The following TRIO variants were observed in gnomAD, a reference collection of about 807,000 sequenced individuals.
TRIO encodes the protein trio Rho guanine nucleotide exchange factor, also known as triple functional domain protein.
A neutral mutation model predicts 351.9 loss-of-function variants in TRIO; 58 were observed. The observed-to-expected ratio is 0.16, with a 90% CI of 0.13 to 0.21. The LOEUF (loss-of-function observed/expected upper bound fraction) is 0.21, where lower values mean the gene tolerates loss of function less well. Among genes scored for constraint, TRIO ranks in the 10% least tolerant of loss-of-function variants. The probability of loss-of-function intolerance (pLI) is 1.00; values close to 1 mark genes in which losing one functional copy is unlikely to be tolerated. For synonymous variants in TRIO, 1,758 were observed against 1,595.7 expected (o/e 1.10, Z -2.42); for missense variants, 3,201 against 4,027.8 (o/e 0.79, Z 5.56).
Position 14,488,273 on chromosome 5 carries a change from G to A in TRIO, c.7632+13G>A. On this transcript the variant is annotated intron_variant, in intron 48 of 56. Coordinates refer to ENST00000344204, the MANE Select transcript of TRIO (RefSeq NM_007118.4). ...CCAGAGCAACGGGGTAAGCGCGTCG[G>A]GGGGCCCGCGCCCTCCCGCCCCCCT... is the stretch of plus-strand genomic sequence containing the variant. The A allele has an allele frequency of 6.5e-7, 1 of 1,543,574 alleles. No homozygotes were observed. Among genetic ancestry groups the A allele is most frequent in the Non-Finnish European group, 8.7e-7 (1 of 1,150,034 alleles).
At chr5:14,460,873 C>T (rs898291436) in intron 34 of TRIO, 146 bp from the exon 35 acceptor site, 2 of 861,436 alleles carry the variant, frequency 2.3e-6, no homozygotes, top group Admixed American at 3.1e-5. Flanking sequence ...AGCATCAGCC[C>T]CTGTCATCTC....
intron 1 of TRIO, among the ~76,000 whole-genome samples, chr5:14,190,202 A>G (rs761178914): frequency 2.0e-5 from 3 of 152,170 alleles, no homozygotes; most frequent in Non-Finnish European, 2.9e-5. Context: ...TGCTTCCTCA[A>G]TCCCCACTGG....
At chr5:14,390,769 C>T (rs1483712191) in intron 26 of TRIO, 132 bp from the exon 27 acceptor site, 4 of 719,076 alleles carry the variant, frequency 5.6e-6, no homozygotes, top group Non-Finnish European at 8.8e-6. Context: ...CAGTAGCTTT[C>T]TTTTTAAAAT....
intron 36 of TRIO, among the ~76,000 whole-genome samples, chr5:14,465,315 A>C (rs1316426200): frequency 6.6e-6 from 1 of 152,198 alleles, no homozygotes; most frequent in Non-Finnish European, 1.5e-5. Context: ...CAAATCAGAC[A>C]CTGTCTGCTT....
At chr5:14,296,636 G>A (rs1354447946) in intron 6 of TRIO, among the ~76,000 whole-genome samples, 1 of 152,166 alleles carries the variant, frequency 6.6e-6, no homozygotes, top group Non-Finnish European at 1.5e-5. Context: ...ATAGCCTTTG[G>A]TTGCTAGGTA....
At chr5:14,439,853 G>A (rs1751884993) in intron 34 of TRIO, among the ~76,000 whole-genome samples, 2 of 152,154 alleles carry the variant, frequency 1.3e-5, no homozygotes, top group South Asian at 2.1e-4. Context: ...TGAGAGAGCC[G>A]TTGGAGCGCC....
intron 1 of TRIO, among the ~76,000 whole-genome samples, chr5:14,166,537 C>T (rs954967315): frequency 4.6e-5 from 7 of 152,130 alleles, no homozygotes; most frequent in Non-Finnish European, 1.0e-4. Context: ...GTGATTTCTT[C>T]TTGACGTTTT....
At position 14,317,053 on chromosome 5, in the gene TRIO, A is replaced by G. The variant is rs562827305; in HGVS notation, c.1731+310A>G. ...AATGCTGGTGTGCTCACACCAGTGT[A>G]TTGTTATAATTTAGTTAACACTTGT... On this transcript the variant is annotated intron_variant, in intron 9 of 56. Transcript: ENST00000344204. 7.2e-5 allele frequency among the ~76,000 whole-genome samples: 11 copies of G among 152,216 alleles called. No individual in the cohort carries two copies. The South Asian group carries it at 1.9e-3, about 26-fold the overall frequency.
chr5:14,480,534 ACACTAGCCCTTG>A (rs1474596908), intron 43 of TRIO, among the ~76,000 whole-genome samples: 1 of 152,192 alleles, frequency 6.6e-6, no homozygotes, highest in Admixed American at 6.5e-5. Flanking sequence ...TGTTGGCTTA[ACACTAGCCCTTG>A]ATTGAGTTAA....
intron 48 of TRIO, among the ~76,000 whole-genome samples, chr5:14,491,005 C>T (rs1310487799): frequency 2.0e-5 from 3 of 152,218 alleles, no homozygotes; most frequent in Non-Finnish European, 4.4e-5. Context: ...AAACAGTGGG[C>T]ACCCACAGGG....
intron 23 of TRIO, 44 bp downstream of exon 23, chr5:14,387,891 G>C (rs2043398080): frequency 1.3e-6 from 2 of 1,592,382 alleles, no homozygotes; most frequent in Non-Finnish European, 8.6e-7. Context: ...CTGGAAAAGT[G>C]AAGAGAATGT....
chr5:14,313,893 A>G (rs73751338), intron 8 of TRIO, among the ~76,000 whole-genome samples: 4,984 of 152,258 alleles, frequency 0.033, 290 homozygotes, highest in African/African-American at 0.11. Flanking sequence ...ATATGTAAGC[A>G]AGGCTGGGAA....
At chr5:14,228,916 G>A (rs1024227464) in intron 1 of TRIO, among the ~76,000 whole-genome samples, 1 of 152,036 alleles carries the variant, frequency 6.6e-6, no homozygotes, top group African/African-American at 2.4e-5. Context: ...ATAATTCATA[G>A]AGTCAAGCCA....
At chr5:14,360,694 GC>G (rs1561390671) in intron 13 of TRIO, among the ~76,000 whole-genome samples, 1 of 152,226 alleles carries the variant, frequency 6.6e-6, no homozygotes, top group Non-Finnish European at 1.5e-5. Flanking sequence ...CTGTCTATAG[GC>G]CTGCCCTGGG....
chr5:14,323,222 T>C (rs559850443), intron 9 of TRIO, among the ~76,000 whole-genome samples: 1 of 152,308 alleles, frequency 6.6e-6, no homozygotes, highest in Non-Finnish European at 1.5e-5. Context: ...ATTTCACTTT[T>C]AAAAGTAGTC....
At position 14,488,011 on chromosome 5, in the gene TRIO, C is replaced by T. The variant is rs775593595; in HGVS notation, c.7383C>T (p.Leu2461=). 4.5e-5 allele frequency: 72 copies of T among 1,586,340 alleles called. No individual in the cohort carries two copies. Among genetic ancestry groups the T allele is most frequent in the African/African-American group, 1.1e-4 (8 of 74,162 alleles). The part of the protein sequence containing the change: ...AGAASPLNSP[L]SSAVPSLGKE... Reference sequence around the variant, plus strand: ...CCGCTTCGCCGCTGAACTCGCCGCTCTCCAGCGCGGTCCCTTCTCTCGGCA... The same window carrying T: ...CCGCTTCGCCGCTGAACTCGCCGCTTTCCAGCGCGGTCCCTTCTCTCGGCA... Residue 2461 remains leucine, a synonymous_variant, in exon 48 of 57, where the codon CTC becomes CTT. Coordinates refer to ENST00000344204, the MANE Select transcript of TRIO (RefSeq NM_007118.4).
intron 1 of TRIO, among the ~76,000 whole-genome samples, chr5:14,232,677 A>T (rs1228708810): frequency 6.6e-6 from 1 of 152,252 alleles, no homozygotes; most frequent in Non-Finnish European, 1.5e-5. Context: ...TCTAATAGCG[A>T]GGTGTGTATC....
At chr5:14,148,484 T>C (rs1212812784) in intron 1 of TRIO, among the ~76,000 whole-genome samples, 1 of 152,250 alleles carries the variant, frequency 6.6e-6, no homozygotes, top group Non-Finnish European at 1.5e-5. Context: ...AGCCACACTT[T>C]ACTGCCTAGT....
intron 25 of TRIO, among the ~76,000 whole-genome samples, chr5:14,389,607 C>T (rs1746870302): frequency 6.6e-6 from 1 of 152,168 alleles, no homozygotes; most frequent in Non-Finnish European, 1.5e-5. Context: ...TTATCTTCTA[C>T]AGAAATAAGA....
Sources: gnomAD v4.1 joint callset for allele counts (sites outside exome capture counted in the v4.1 genomes callset) on GRCh38, gnomAD v4.1.1 for gene constraint, MANE v1.5 for transcripts, NCBI Gene and HGNC (gene_info 2026-07-23, HGNC 2026-07-21) for gene names.